The following CMTM8 variants were observed in gnomAD, a reference collection of about 807,000 sequenced individuals.
CMTM8 encodes CKLF-like MARVEL transmembrane domain-containing protein 8.
Under a neutral mutation model 18.6 loss-of-function variants are expected in CMTM8, and 12 were observed. The ratio of observed to expected loss-of-function variants is 0.65; its 90% confidence interval spans 0.41 to 1.05. The LOEUF (loss-of-function observed/expected upper bound fraction) is 1.05, where lower values mean the gene tolerates loss of function less well. CMTM8 is among the 50% of genes least tolerant of loss of function. CMTM8 has a pLI of 0.00. For synonymous variants in CMTM8, 87 were observed against 90.6 expected (o/e 0.96, Z 0.23); for missense variants, 217 against 227.2 (o/e 0.95, Z 0.29).
intron 1 of CMTM8, among the ~76,000 whole-genome samples, chr3:32,240,870 C>T (rs528848288): frequency 6.6e-6 from 1 of 152,318 alleles, no homozygotes; most frequent in Non-Finnish European, 1.5e-5. Context: ...TCACTGCCGC[C>T]TTGACCTCTT....
At chr3:32,251,323 A>AT (rs71630508) in intron 1 of CMTM8, among the ~76,000 whole-genome samples, 4 of 151,496 alleles carry the variant, frequency 2.6e-5, no homozygotes, top group Non-Finnish European at 4.4e-5. Flanking sequence ...TAATTCATTC[A>AT]TTTTTTTTGA....
intron 1 of CMTM8, among the ~76,000 whole-genome samples, chr3:32,354,087 T>G (rs1696765710): frequency 6.6e-6 from 1 of 152,080 alleles, no homozygotes; most frequent in African/African-American, 2.4e-5. Context: ...CCCGGCTCAC[T>G]GTGTTAATTT....
At chr3:32,347,051 A>G (rs1291954752) in intron 1 of CMTM8, among the ~76,000 whole-genome samples, 1 of 148,864 alleles carries the variant, frequency 6.7e-6, no homozygotes, top group Non-Finnish European at 1.5e-5. Flanking sequence ...CTAGTCTTGA[A>G]CTCCTGGGCT....
At chr3:32,302,678 A>G (rs1472258547) in intron 1 of CMTM8, among the ~76,000 whole-genome samples, 1 of 152,172 alleles carries the variant, frequency 6.6e-6, no homozygotes, top group African/African-American at 2.4e-5. Flanking sequence ...AATTGGAGCA[A>G]ATTTCACAAG....
intron 2 of CMTM8, among the ~76,000 whole-genome samples, chr3:32,363,252 C>G (rs1696970155): frequency 6.6e-6 from 1 of 152,120 alleles, no homozygotes; most frequent in Non-Finnish European, 1.5e-5. Flanking sequence ...CACCTGTGCC[C>G]CAGGTTCCTC....
At chr3:32,313,609 A>G (rs1372800867) in intron 1 of CMTM8, among the ~76,000 whole-genome samples, 1 of 152,164 alleles carries the variant, frequency 6.6e-6, no homozygotes, top group Non-Finnish European at 1.5e-5. Flanking sequence ...CTGGCCCAGC[A>G]TCCAAATCTC....
intron 1 of CMTM8, among the ~76,000 whole-genome samples, chr3:32,295,254 G>A (rs1210508456): frequency 2.0e-5 from 3 of 151,776 alleles, no homozygotes; most frequent in Non-Finnish European, 2.9e-5. Flanking sequence ...TCAGGAGTTC[G>A]AGAACAGCCT....
chr3:32,250,751 T>C (rs1243846080), intron 1 of CMTM8, among the ~76,000 whole-genome samples: 1 of 152,034 alleles, frequency 6.6e-6, no homozygotes, highest in African/African-American at 2.4e-5. Flanking sequence ...TTTCTTTTAT[T>C]TTATATAAAA....
At chr3:32,251,649 T>A (rs1471230025) in intron 1 of CMTM8, among the ~76,000 whole-genome samples, 2 of 152,160 alleles carry the variant, frequency 1.3e-5, no homozygotes. Flanking sequence ...CATGCCACTT[T>A]TTTTGTCAGA....
At chr3:32,277,530 A>T (rs1244715918) in intron 1 of CMTM8, among the ~76,000 whole-genome samples, 4 of 151,950 alleles carry the variant, frequency 2.6e-5, no homozygotes, top group African/African-American at 9.7e-5. Flanking sequence ...GTGCCACCAC[A>T]TCTGGCTTAT....
chr3:32,360,150 T>C (rs1247283117), intron 2 of CMTM8, among the ~76,000 whole-genome samples: 2 of 152,236 alleles, frequency 1.3e-5, no homozygotes, highest in African/African-American at 4.8e-5. Context: ...GTGAGTAAAC[T>C]CAGCATGGTA....
At chr3:32,312,090 G>A (rs1695830945) in intron 1 of CMTM8, among the ~76,000 whole-genome samples, 1 of 152,172 alleles carries the variant, frequency 6.6e-6, no homozygotes, top group Admixed American at 6.5e-5. Context: ...GAACTACAGG[G>A]TATGGGTTAT....
chr3:32,270,618 G>A (rs1194741797), intron 1 of CMTM8, among the ~76,000 whole-genome samples: 1 of 152,072 alleles, frequency 6.6e-6, no homozygotes, highest in East Asian at 1.9e-4. Context: ...ACTATCGCAA[G>A]GACAAAAAAC....
chr3:32,341,736 G>A (rs913804991), intron 1 of CMTM8, among the ~76,000 whole-genome samples: 2 of 151,640 alleles, frequency 1.3e-5, no homozygotes, highest in Non-Finnish European at 2.9e-5. Context: ...AATCAGCCAG[G>A]TGTGGTGTCA....
chr3:32,295,480 AAAAC>A (rs1474028030), intron 1 of CMTM8, among the ~76,000 whole-genome samples: 5,704 of 109,746 alleles, frequency 0.052, 630 homozygotes, highest in African/African-American at 0.061. Flanking sequence ...AAAAAAAAAC[AAAAC>A]AAAACAGCGG....
chr3:32,337,655 G>A (rs77095826), intron 1 of CMTM8, among the ~76,000 whole-genome samples: 1,528 of 152,306 alleles, frequency 0.01, 27 homozygotes, highest in African/African-American at 0.036. Context: ...TTAAACTTGA[G>A]CTGCTTGGGA....
At chr3:32,315,819 T>C (rs1695917118) in intron 1 of CMTM8, among the ~76,000 whole-genome samples, 1 of 152,118 alleles carries the variant, frequency 6.6e-6, no homozygotes, top group Non-Finnish European at 1.5e-5. Context: ...TACTAATTCC[T>C]AAACTATCTG....
At chr3:32,362,791 G>A (rs1696962402) in intron 2 of CMTM8, among the ~76,000 whole-genome samples, 1 of 152,174 alleles carries the variant, frequency 6.6e-6, no homozygotes, top group Non-Finnish European at 1.5e-5. Flanking sequence ...GGGGCTGAGA[G>A]TCAGAAAATG....
intron 1 of CMTM8, among the ~76,000 whole-genome samples, chr3:32,336,883 G>C (rs1480172520): frequency 6.6e-6 from 1 of 152,118 alleles, no homozygotes; most frequent in East Asian, 1.9e-4. Flanking sequence ...CTGAGACTGG[G>C]TAATCTATTA....
Sources: gnomAD v4.1 joint callset for allele counts (sites outside exome capture counted in the v4.1 genomes callset) on GRCh38, gnomAD v4.1.1 for gene constraint, MANE v1.5 for transcripts, NCBI Gene and HGNC (gene_info 2026-07-23, HGNC 2026-07-21) for gene names.